Variants in PTK7 observed in about 807,000 individuals in gnomAD.
The protein encoded by PTK7 is protein tyrosine kinase 7 (inactive).
In PTK7, 39 loss-of-function variants were observed where a neutral mutation model predicts 116.6. The observed-to-expected ratio is 0.33, with a 90% CI of 0.26 to 0.44. The LOEUF is 0.44. PTK7 is among the 20% of genes least tolerant of loss of function. The pLI is 1.00. For missense variants in PTK7, 1,169 were observed against 1,425.6 expected, an observed-to-expected ratio of 0.82 and a Z score of 2.90; for synonymous variants, 546 against 563.6, an observed-to-expected ratio of 0.97 and a Z score of 0.44.
chr6:43,090,256 G>C (rs1766875756), intron 1 of PTK7, among the ~76,000 whole-genome samples: 1 of 152,226 alleles, frequency 6.6e-6, no homozygotes, highest in African/African-American at 2.4e-5. Flanking sequence ...AGCCTCCTCA[G>C]GGAGCAGGAA....
intron 1 of PTK7, among the ~76,000 whole-genome samples, chr6:43,117,552 G>C (rs1768631663): frequency 6.6e-6 from 1 of 152,170 alleles, no homozygotes; most frequent in Non-Finnish European, 1.5e-5. Context: ...GCCATTTACT[G>C]GGGCATCCTT....
intron 1 of PTK7, among the ~76,000 whole-genome samples, chr6:43,085,337 C>T (rs980948267): frequency 1.3e-5 from 2 of 152,028 alleles, no homozygotes; most frequent in Non-Finnish European, 2.9e-5. Flanking sequence ...CGATCTCCAC[C>T]TCCCGGGTTC....
chr6:43,151,563 C>G (rs1771090509), intron 17 of PTK7, among the ~76,000 whole-genome samples: 2 of 140,852 alleles, frequency 1.4e-5, no homozygotes, highest in Admixed American at 7.3e-5. Flanking sequence ...GACGGAGTCT[C>G]ACTCCGTCGC....
intron 17 of PTK7, among the ~76,000 whole-genome samples, chr6:43,150,787 CTTTT>C (rs1176963526): frequency 6.6e-5 from 4 of 60,746 alleles, no homozygotes; most frequent in South Asian, 7.1e-4. Context: ...GTAGACTCAG[CTTTT>C]TTTTTTTTTT....
In PTK7 at chr6:43,158,982, C is replaced by G; in HGVS notation, c.2873+14C>G. 2 of 1,612,446 alleles carry G rather than the reference C, an allele frequency of 1.2e-6. No individual in the cohort carries two copies. Among genetic ancestry groups the G allele is most frequent in the Non-Finnish European group, 1.7e-6 (2 of 1,178,926 alleles). ...TGTGTACAACAGGTAGAAGGGCATG[C>G]GTGGGGTGGGGGCTCCCCATTTTTT... On this transcript the variant is annotated intron_variant, in intron 18 of 19. Transcript: ENST00000230419.
chr6:43,088,900 A>G (rs923320213), intron 1 of PTK7, among the ~76,000 whole-genome samples: 1 of 151,916 alleles, frequency 6.6e-6, no homozygotes, highest in Non-Finnish European at 1.5e-5. Flanking sequence ...ATTCCAGACT[A>G]TTGCTTCCTG....
At chr6:43,087,010 G>A (rs944423908) in intron 1 of PTK7, among the ~76,000 whole-genome samples, 5 of 152,258 alleles carry the variant, frequency 3.3e-5, no homozygotes, top group African/African-American at 1.2e-4. Context: ...AGGCCTTGCA[G>A]CTGTGGCTCT....
At position 43,091,145 on chromosome 6, in the gene PTK7, C is replaced by T. The variant is rs72867530; in HGVS notation, c.79+14578C>T. 5.2e-3 allele frequency among the ~76,000 whole-genome samples: 771 copies of T among 149,366 alleles called. 5 individuals carry two copies. Among genetic ancestry groups the T allele is most frequent in the Middle Eastern group, 0.01 (3 of 288 alleles). ...TAGTTTACTTCACTTCTCTGAGCTT[C>T]GGTTTCCTCTTTTTTTTTTTTTTTT... On this transcript the variant is annotated intron_variant, in intron 1 of 19. Coordinates refer to ENST00000230419, the MANE Select transcript of PTK7 (RefSeq NM_002821.5).
At position 43,158,018 on chromosome 6, in the gene PTK7, G is replaced by T. The variant is rs575856712; in HGVS notation, c.2722-799G>T. Among the ~76,000 whole-genome samples, 8 of 152,150 alleles carry T rather than the reference G, an allele frequency of 5.3e-5. No individual in the cohort carries two copies. In the South Asian group the frequency reaches 1.7e-3, roughly 32 times the overall value. Reference sequence around the variant, plus strand: ...TTTTTAATTAAAAAGTAAGCTGGGGGCTGGGCGCAGTGGCTCATGCCTGTA... The same window carrying T: ...TTTTTAATTAAAAAGTAAGCTGGGGTCTGGGCGCAGTGGCTCATGCCTGTA... On this transcript the variant is annotated intron_variant, in intron 17 of 19. Coordinates refer to ENST00000230419, the MANE Select transcript of PTK7 (RefSeq NM_002821.5).
rs1391750039 is a variant in PTK7 at position 43,143,386 on chromosome 6, C to T, written c.2048-31C>T. Reference sequence around the variant, plus strand: ...AGCAGGGCTTCTTTTGCTTAGCAGCCCCTGCCCAGACCCATCTGTGTGTCT... The same window carrying T: ...AGCAGGGCTTCTTTTGCTTAGCAGCTCCTGCCCAGACCCATCTGTGTGTCT... On this transcript the variant is annotated intron_variant, in intron 13 of 19. Coordinates refer to ENST00000230419, the MANE Select transcript of PTK7 (RefSeq NM_002821.5). The surrounding 1 kb of genome is among the most constrained non-coding windows in gnomAD (Gnocchi z 4.2). 1.2e-6 allele frequency: 2 copies of T among 1,603,528 alleles called. No homozygotes were observed. Among genetic ancestry groups the T allele is most frequent in the Non-Finnish European group, 1.7e-6 (2 of 1,174,664 alleles).
At chr6:43,105,977 C>T (rs920397185) in intron 1 of PTK7, among the ~76,000 whole-genome samples, 7 of 152,146 alleles carry the variant, frequency 4.6e-5, no homozygotes, top group South Asian at 2.1e-4. Context: ...ATCCCGTAGC[C>T]GTGCCTTCTG....
chr6:43,152,844 G>C (rs531997100), intron 17 of PTK7, among the ~76,000 whole-genome samples: 3 of 152,206 alleles, frequency 2.0e-5, no homozygotes, highest in African/African-American at 7.2e-5. Flanking sequence ...GAAGTGCAGT[G>C]GCAGGACCTC....
intron 17 of PTK7, among the ~76,000 whole-genome samples, chr6:43,157,420 G>A (rs12215073): frequency 8.4e-6 from 1 of 119,276 alleles, no homozygotes; most frequent in Non-Finnish European, 1.6e-5. Flanking sequence ...ATGTTGCCCA[G>A]ACTGGTCACA....
At chr6:43,086,096 C>T (rs1766635460) in intron 1 of PTK7, among the ~76,000 whole-genome samples, 1 of 152,140 alleles carries the variant, frequency 6.6e-6, no homozygotes, top group Non-Finnish European at 1.5e-5. Context: ...GCAGATTCTC[C>T]CAAGGGGTGG....
At position 43,144,543 on chromosome 6, in the gene PTK7, C is replaced by T. The variant is rs754421182; in HGVS notation, c.2344C>T (p.Arg782Cys). 1.5e-5 allele frequency: 25 copies of T among 1,614,084 alleles called. No homozygotes were observed. The highest frequency in any genetic ancestry group is 4.5e-5 in the East Asian group (2 of 44,904). Reference sequence around the variant, plus strand: ...CTCCGGCCCCGCGGCCACCAACAAACGCCACAGCACAAGTGATAAGATGCA... The same window carrying T: ...CTCCGGCCCCGCGGCCACCAACAAATGCCACAGCACAAGTGATAAGATGCA... ...LGSGPAATNKRHSTSDKMHFP... is the reference protein window; with the variant it reads ...LGSGPAATNKCHSTSDKMHFP... The change falls in exon 15 of 20, where the codon CGC (arginine) becomes TGC (cysteine). Residue 782 changes from arginine (R) to cysteine (C), a missense_variant. Coordinates refer to ENST00000230419, the MANE Select transcript of PTK7 (RefSeq NM_002821.5).
At chr6:43,125,947 T>TGG (rs1769264276) in intron 1 of PTK7, among the ~76,000 whole-genome samples, 1 of 152,062 alleles carries the variant, frequency 6.6e-6, no homozygotes, top group South Asian at 2.1e-4. Flanking sequence ...AGCGAGGAAG[T>TGG]GGGGGCTTGT....
intron 7 of PTK7, among the ~76,000 whole-genome samples, chr6:43,134,464 TAGTG>T (rs1223933049): frequency 6.6e-6 from 1 of 151,992 alleles, no homozygotes; most frequent in African/African-American, 2.4e-5. Context: ...CTGGACAAAA[TAGTG>T]AGACCTTGTG....
chr6:43,132,077 C>A lies in PTK7; in HGVS notation c.874C>A (p.Arg292=). The A allele has an allele frequency of 6.2e-7, 1 of 1,614,092 alleles. No homozygotes were observed. Among genetic ancestry groups the A allele is most frequent in the South Asian group, 1.1e-5 (1 of 91,082 alleles). ...CGGGTCTCTGCTGCTGACCCAGGTC[C>A]GGCCACGCAATGCAGGGATCTACCG... ...ANGSLLLTQV[R]PRNAGIYRCI... Residue 292 remains arginine (R), a synonymous_variant, in exon 6 of 20, where the codon CGG becomes AGG. Transcript: ENST00000230419.
At chr6:43,099,812 G>A (rs757714012) in intron 1 of PTK7, among the ~76,000 whole-genome samples, 3 of 152,110 alleles carry the variant, frequency 2.0e-5, no homozygotes, top group Non-Finnish European at 4.4e-5. Context: ...GCTTACACTT[G>A]TAATGCCAGC....
Sources: allele counts gnomAD v4.1 joint callset (sites outside exome capture counted in the v4.1 genomes callset), GRCh38; gene constraint gnomAD v4.1.1; non-coding constraint Gnocchi (gnomAD v3.1); transcripts MANE v1.5; gene names NCBI Gene and HGNC (gene_info 2026-07-23, HGNC 2026-07-21).